Variants in AKIP1 observed in about 807,000 individuals in gnomAD.
AKIP1 encodes A-kinase interacting protein 1, also known as A-kinase-interacting protein 1.
AKIP1 carries 18 observed loss-of-function variants against 22.3 expected under a neutral mutation model. The observed-to-expected ratio is 0.81, with a 90% CI of 0.56 to 1.19. The LOEUF is 1.19. AKIP1 is among the 50% of genes most tolerant of loss of function. The probability of loss-of-function intolerance (pLI) is 0.00; values close to 1 mark genes in which losing one functional copy is unlikely to be tolerated. For missense variants in AKIP1, 287 were observed against 264.6 expected, an observed-to-expected ratio of 1.08 and a Z score of -0.59; for synonymous variants, 120 against 102.7, an observed-to-expected ratio of 1.17 and a Z score of -1.02.
At chr11:8,912,184 C>G (rs1159845669) in intron 2 of AKIP1, among the ~76,000 whole-genome samples, 5 of 114,684 alleles carry the variant, frequency 4.4e-5, no homozygotes, top group African/African-American at 1.4e-4. Context: ...GCAACAAGAG[C>G]GAAACCTCCG....
intron 5 of AKIP1, 94 bp downstream of exon 5, chr11:8,917,461 C>G: frequency 1.0e-6 from 1 of 967,992 alleles, no homozygotes; most frequent in Non-Finnish European, 1.6e-6. Context: ...TGAATTGAGT[C>G]TATAGTATTT....
At position 8,918,692 on chromosome 11, in the gene AKIP1, C is replaced by T. The variant is rs574076463; in HGVS notation, c.490-645C>T. Among the ~76,000 whole-genome samples the T allele has an allele frequency of 2.6e-5, 4 of 152,272 alleles. No homozygotes were observed. The East Asian group carries it at 7.7e-4, about 29-fold the overall frequency. On this transcript the variant is annotated intron_variant, in intron 5 of 5. Coordinates refer to ENST00000309377, the MANE Select transcript of AKIP1 (RefSeq NM_020642.4). ...TCTACCAGCCATGAGTGAAGTCTAC[C>T]CTTGGAAGACTGATTGTGCTCAGTT...
At chr11:8,917,946 C>T (rs1461246582) in intron 5 of AKIP1, 2 of 154,328 alleles carry the variant, frequency 1.3e-5, no homozygotes, top group Admixed American at 1.3e-4. Context: ...CTTCATTCAG[C>T]ATGGTGCCGC....
chr11:8,915,297 A>AT (rs58339059), intron 4 of AKIP1, among the ~76,000 whole-genome samples: 2,446 of 144,884 alleles, frequency 0.017, 74 homozygotes, highest in African/African-American at 0.056. Context: ...CCTTTCTCTA[A>AT]TTTTTTTTTA....
chr11:8,917,299 A>G lies in AKIP1; in HGVS notation c.421A>G (p.Lys141Glu), dbSNP rs372624354. 2 of 1,607,974 alleles carry G rather than the reference A, an allele frequency of 1.2e-6. No homozygotes were observed. The highest frequency in any genetic ancestry group is 1.3e-5 in the African/African-American group (1 of 74,754). Residue 141 changes from lysine to glutamate, a missense_variant, in exon 5 of 6, where the codon AAA becomes GAA. Transcript: ENST00000309377. ...DIGNGQRKDRKKTSLGPGGSY... is the reference protein window; with the variant it reads ...DIGNGQRKDREKTSLGPGGSY... ...CTTGTCTCTTCAGAGAAAAGACAGAAAAAAGACATCCCTTGGTCCTGGAGG... is the reference window on the plus strand; with the variant it reads ...CTTGTCTCTTCAGAGAAAAGACAGAGAAAAGACATCCCTTGGTCCTGGAGG...
Position 8,919,665 on chromosome 11 carries a change from C to T in AKIP1, c.*185C>T, listed in dbSNP as rs545372676. The T allele has an allele frequency of 1.6e-6, 1 of 632,088 alleles. No homozygotes were observed. The highest frequency in any genetic ancestry group is 3.0e-5 in the East Asian group (1 of 33,844). 39.2% of individuals were successfully genotyped at this position (632,088 alleles called of 1,614,324 possible). ...TTGGTTGGTTTTTTTTTGAGACAGT[C>T]TCACTCTGTTGCCCAGGCTGGAGTG... On this transcript the variant is annotated 3_prime_UTR_variant, in exon 6 of 6. Coordinates refer to ENST00000309377, the MANE Select transcript of AKIP1 (RefSeq NM_020642.4).
At chr11:8,913,598 A>G (rs1319791795) in intron 3 of AKIP1, among the ~76,000 whole-genome samples, 1 of 152,218 alleles carries the variant, frequency 6.6e-6, no homozygotes, top group Non-Finnish European at 1.5e-5. Context: ...CTCTGGCCTC[A>G]TGCAGTCTTA....
At chr11:8,914,801 A>C in intron 3 of AKIP1, 25 bp from the exon 4 acceptor site, 3 of 1,563,850 alleles carry the variant, frequency 1.9e-6, no homozygotes, top group Non-Finnish European at 2.6e-6. Flanking sequence ...TTGGTTAGCT[A>C]ACATCTTTGA....
intron 3 of AKIP1, among the ~76,000 whole-genome samples, chr11:8,913,921 G>C (rs2064438732): frequency 6.6e-6 from 1 of 152,228 alleles, no homozygotes; most frequent in African/African-American, 2.4e-5. Context: ...TCTTTGGTTT[G>C]AGGTTTAGCA....
At chr11:8,918,618 T>G (rs2064524524) in intron 5 of AKIP1, among the ~76,000 whole-genome samples, 1 of 152,194 alleles carries the variant, frequency 6.6e-6, no homozygotes, top group South Asian at 2.1e-4. Flanking sequence ...GACTTTGTCC[T>G]TTTACCATTT....
At chr11:8,912,641 GC>G in intron 3 of AKIP1, 108 bp downstream of exon 3, 2 of 973,312 alleles carry the variant, frequency 2.1e-6, no homozygotes, top group Non-Finnish European at 3.2e-6. Context: ...CTCCTGCCCA[GC>G]CTTCACGGTC....
rs772842815 is a variant in AKIP1 at position 8,914,878 on chromosome 11, A to G, written c.356A>G (p.Tyr119Cys). The change falls in exon 4 of 6, where the codon TAT (tyrosine) becomes TGT (cysteine). Residue 119 changes from tyrosine to cysteine, a missense_variant. Transcript: ENST00000309377. Reference sequence around the variant, plus strand: ...GGAGGGGCAACCCATGTCTATCGTTATCACAGAGGCGAGTCGAAGCTGCAC... The same window carrying G: ...GGAGGGGCAACCCATGTCTATCGTTGTCACAGAGGCGAGTCGAAGCTGCAC... ...EEGGATHVYR[Y>C]HRGESKLHMC... 2.2e-5 allele frequency: 36 copies of G among 1,613,936 alleles called. No homozygotes were observed. Among genetic ancestry groups the G allele is most frequent in the Admixed American group, 1.0e-4 (6 of 60,002 alleles).
At chr11:8,915,133 T>A (rs1386433931) in intron 4 of AKIP1, among the ~76,000 whole-genome samples, 1 of 152,114 alleles carries the variant, frequency 6.6e-6, no homozygotes, top group Non-Finnish European at 1.5e-5. Context: ...AATATAAGAT[T>A]GATGCCACTG....
chr11:8,916,331 T>C (rs1034302481), intron 4 of AKIP1, among the ~76,000 whole-genome samples: 1 of 152,166 alleles, frequency 6.6e-6, no homozygotes, highest in African/African-American at 2.4e-5. Flanking sequence ...AAAATACTTT[T>C]TGTAAAGGTA....
In AKIP1 at chr11:8,911,645, G is replaced by T. The variant is rs775350166; in HGVS notation, c.196G>T (p.Gly66Cys). 1 of 1,573,514 alleles carries T rather than the reference G, an allele frequency of 6.4e-7. No individual in the cohort carries two copies. The highest frequency in any genetic ancestry group is 1.4e-5 in the African/African-American group (1 of 74,054). The change falls in exon 2 of 6, where the codon GGC (glycine) becomes TGC (cysteine). Residue 66 changes from glycine (G) to cysteine (C), a missense_variant. Transcript: ENST00000309377. ...APHLEKQPAAGPQRVLPGERE... is the reference protein window; with the variant it reads ...APHLEKQPAACPQRVLPGERE... Reference sequence around the variant, plus strand: ...CCACCTAGAGAAACAGCCGGCAGCCGGCCCGCAGCGCGTTCTCCCGGGAGA... The same window carrying T: ...CCACCTAGAGAAACAGCCGGCAGCCTGCCCGCAGCGCGTTCTCCCGGGAGA...
intron 4 of AKIP1, among the ~76,000 whole-genome samples, chr11:8,915,519 A>G (rs1053599252): frequency 2.7e-5 from 4 of 146,582 alleles, no homozygotes; most frequent in African/African-American, 1.0e-4. Flanking sequence ...ATGCCACCAC[A>G]CCCAGCTAAT....
chr11:8,912,984 C>T (rs1485506218), intron 3 of AKIP1, among the ~76,000 whole-genome samples: 1 of 144,026 alleles, frequency 6.9e-6, no homozygotes, highest in Non-Finnish European at 1.5e-5. Context: ...ACACCATTCT[C>T]CTGCCTCAGC....
chr11:8,913,429 C>G (rs1028280073), intron 3 of AKIP1, among the ~76,000 whole-genome samples: 4 of 152,228 alleles, frequency 2.6e-5, no homozygotes, highest in African/African-American at 9.6e-5. Flanking sequence ...CTCGAGGGAT[C>G]CGCGCATCTT....
At chr11:8,917,749 C>T (rs375928934) in intron 5 of AKIP1, 36 of 362,088 alleles carry the variant, frequency 9.9e-5, no homozygotes, top group Admixed American at 5.6e-4. Context: ...GCTGAAATTC[C>T]GAAACATACA....
Sources: gnomAD v4.1 joint callset for allele counts (sites outside exome capture counted in the v4.1 genomes callset) on GRCh38, gnomAD v4.1.1 for gene constraint, MANE v1.5 for transcripts, NCBI Gene and HGNC (gene_info 2026-07-23, HGNC 2026-07-21) for gene names.